The following PEX5 variants were observed in gnomAD, a reference collection of about 807,000 sequenced individuals.
PEX5 encodes PTS1 receptor.
A neutral mutation model predicts 82.9 loss-of-function variants in PEX5; 52 were observed. That is an observed-to-expected ratio of 0.63 (90% CI 0.50 to 0.79). PEX5 has a LOEUF of 0.79. Ranked by LOEUF, PEX5 falls within the 30% of genes least tolerant of loss-of-function variation. PEX5 has a pLI of 0.00. For synonymous variants in PEX5, 300 were observed against 318.8 expected, an observed-to-expected ratio of 0.94 and a Z score of 0.63; for missense variants, 719 against 815.2, an observed-to-expected ratio of 0.88 and a Z score of 1.44.
chr12:7,193,133 T>C (rs773033328), intron 5 of PEX5, among the ~76,000 whole-genome samples: 4 of 152,074 alleles, frequency 2.6e-5, no homozygotes, highest in Non-Finnish European at 5.9e-5. Context: ...CCCCATTTTA[T>C]AGATGAGGAG....
At chr12:7,202,414 A>G in intron 8 of PEX5, 63 bp downstream of exon 8, 1 of 1,586,720 alleles carries the variant, frequency 6.3e-7, no homozygotes, top group East Asian at 2.2e-5. Flanking sequence ...CCATGGGTTC[A>G]GTGGTCAGTG....
chr12:7,197,242 T>TTATATATGTCATATGTAATAATTA (rs778579687), intron 5 of PEX5, among the ~76,000 whole-genome samples: 2 of 10,668 alleles, frequency 1.9e-4, no homozygotes, highest in African/African-American at 4.8e-4. Flanking sequence ...TATGTAATAA[T>TTATATATGTCATATGTAATAATTA]TATATGTCAT....
chr12:7,212,410 A>T (rs139941752), downstream of PEX5, among the ~76,000 whole-genome samples: 23 of 146,980 alleles, frequency 1.6e-4, no homozygotes, highest in East Asian at 4.9e-3. Context: ...AGGGAGGAGC[A>T]CCATACCTGG....
rs1942700746 is a variant in PEX5 at position 7,197,221 on chromosome 12, T to TATATATGTCATATATAATGTAATA, written c.449-1777_449-1776insATAATGTAATAATATATGTCATAT. 3.6e-5 allele frequency among the ~76,000 whole-genome samples: 3 copies of TATATATGTCATATATAATGTAATA among 83,802 alleles called. 1 individual carries two copies. The highest frequency in any genetic ancestry group is 6.5e-5 in the Non-Finnish European group (3 of 46,378). The allele number at this position is 83,802 out of a possible 152,430, so 55.0% of individuals were successfully genotyped here. A position where few individuals can be genotyped will look rare whatever the true frequency, so the allele number is the denominator to read the frequency against. On this transcript the variant is annotated intron_variant, in intron 5 of 15. Transcript: ENST00000675855. Reference sequence around the variant, plus strand: ...TTATATATGTCATATATAATGTAATTATATATGTCATATGTAATAATTATA... The same window carrying TATATATGTCATATATAATGTAATA: ...TTATATATGTCATATATAATGTAATTATATATGTCATATATAATGTAATAATATATGTCATATGTAATAATTATA...
Position 7,189,698 on chromosome 12 carries a change from C to T in PEX5, c.-69C>T, listed in dbSNP as rs886049821. The T allele has an allele frequency of 2.0e-4, 75 of 366,728 alleles. No individual in the cohort carries two copies. The highest frequency in any genetic ancestry group is 3.0e-4 in the Non-Finnish European group (62 of 208,654). The allele number at this position is 366,728 out of a possible 1,614,324, so 22.7% of individuals were successfully genotyped here. On this transcript the variant is annotated 5_prime_UTR_variant, in exon 1 of 16. Coordinates refer to ENST00000675855, the MANE Select transcript of PEX5 (RefSeq NM_001351132.2). ...GGCTCCCCGCCCCCTCTTCTCCCCT[C>T]CCCCAAGCCAGCACCTGGTGCCCCG...
intron 5 of PEX5, among the ~76,000 whole-genome samples, chr12:7,194,159 G>A (rs1255607802): frequency 6.6e-6 from 1 of 152,090 alleles, no homozygotes; most frequent in Admixed American, 6.6e-5. Context: ...TGGCTTTATA[G>A]ATAAGTAGAT....
intron 1 of PEX5, chr12:7,190,143 C>T: frequency 6.7e-7 from 1 of 1,485,836 alleles, no homozygotes; most frequent in South Asian, 1.3e-5. Flanking sequence ...TCTGCAGAGG[C>T]GCAGGCTGGA....
At chr12:7,197,543 A>ATATAATGTAATAAT (rs1490440903) in intron 5 of PEX5, among the ~76,000 whole-genome samples, 26 of 116,156 alleles carry the variant, frequency 2.2e-4, no homozygotes, top group African/African-American at 7.0e-4. Context: ...ATGTAATTAT[A>ATATAATGTAATAAT]TATGTTATAT....
intron 2 of PEX5, 153 bp from the exon 3 acceptor site, chr12:7,190,735 G>T: frequency 7.5e-7 from 1 of 1,330,210 alleles, no homozygotes; most frequent in South Asian, 1.2e-5. Context: ...ACCACTTACT[G>T]AGCGTTTATA....
At chr12:7,193,172 G>C (rs900370130) in intron 5 of PEX5, among the ~76,000 whole-genome samples, 1 of 151,542 alleles carries the variant, frequency 6.6e-6, no homozygotes. Context: ...TAAATACTTT[G>C]TGCAAAATCA....
At position 7,191,239 on chromosome 12, in the gene PEX5, TC is replaced by T; in HGVS notation, c.199del (p.Leu67CysfsTer65). The T allele has an allele frequency of 6.2e-7, 1 of 1,614,152 alleles. No individual in the cohort carries two copies. Among genetic ancestry groups the T allele is most frequent in the Non-Finnish European group, 8.5e-7 (1 of 1,180,020 alleles). On this transcript the variant is annotated frameshift_variant, in exon 4 of 16. Transcript: ENST00000675855. LOFTEE classifies it high-confidence loss of function. ...CCCTTCTGGCAGTTGGTGGCTGAAT[TC>T]CTGCAGGACCAGAATGCACCCCTTG... ...VASEDELVAEFLQDQNAPLVS... is the reference protein window; with the variant it reads ...VASEDELVAEXLQDQNAPLVS...
Position 7,207,756 on chromosome 12 carries a change from T to C in PEX5, c.1064T>C (p.Val355Ala). ...RLQEGDLPNA[V>A]LLFEAAVQQD... ...CAGGAGGGGGACCTGCCAAATGCTG[T>C]GCTGCTTTTTGAGGCAGCTGTGCAG... Residue 355 changes from valine (V) to alanine (A), a missense_variant, in exon 11 of 16, where the codon GTG becomes GCG. Val to Ala is a moderately conservative substitution (Grantham distance 64, BLOSUM62 0). Coordinates refer to ENST00000675855, the MANE Select transcript of PEX5 (RefSeq NM_001351132.2). 1 of 1,614,148 alleles carries C rather than the reference T, an allele frequency of 6.2e-7. No individual in the cohort carries two copies. Among genetic ancestry groups the C allele is most frequent in the Non-Finnish European group, 8.5e-7 (1 of 1,180,006 alleles).
At position 7,208,096 on chromosome 12, in the gene PEX5, G is replaced by A. The variant is rs201496018; in HGVS notation, c.1181+16G>A. On this transcript the variant is annotated intron_variant, in intron 12 of 15. Coordinates refer to ENST00000675855, the MANE Select transcript of PEX5 (RefSeq NM_001351132.2). ...CATTGCGGAGGTGAGTACACTGAAA[G>A]GTGTGGGTGAGGTGCTTCCAAGGCT... 1.9e-6 allele frequency: 3 copies of A among 1,592,020 alleles called. No homozygotes were observed. In the South Asian group the frequency reaches 3.3e-5, roughly 18 times the overall value.
Position 7,191,445 on chromosome 12 carries a change from G to A in PEX5, c.316+87G>A, listed in dbSNP as rs1008119810. On this transcript the variant is annotated intron_variant, in intron 4 of 15. Coordinates refer to ENST00000675855, the MANE Select transcript of PEX5 (RefSeq NM_001351132.2). Reference sequence around the variant, plus strand: ...GGTTCCATTGGATGCTGCTGGCATTGGGGACCTGAGATGCAGAAGGAGACA... The same window carrying A: ...GGTTCCATTGGATGCTGCTGGCATTAGGGACCTGAGATGCAGAAGGAGACA... 25 of 1,601,368 alleles carry A rather than the reference G, an allele frequency of 1.6e-5. No homozygotes were observed. The African/African-American group carries it at 3.2e-4, about 21-fold the overall frequency.
chr12:7,195,073 C>A (rs1565679479), intron 5 of PEX5, among the ~76,000 whole-genome samples: 1 of 152,124 alleles, frequency 6.6e-6, no homozygotes, highest in Non-Finnish European at 1.5e-5. Flanking sequence ...GTAGACTGAC[C>A]CTACAACTTG....
chr12:7,210,462 A>G lies in PEX5; in HGVS notation c.*239A>G. 1.7e-6 allele frequency: 1 copy of G among 598,350 alleles called. No individual in the cohort carries two copies. The highest frequency in any genetic ancestry group is 3.0e-6 in the Non-Finnish European group (1 of 332,356). 37.1% of individuals were successfully genotyped at this position (598,350 alleles called of 1,614,324 possible). ...TAATTCAAGGGCTGTACATCCAGCTACAGATCTCTCTGCTCATCATGCCCT... is the reference window on the plus strand; with the variant it reads ...TAATTCAAGGGCTGTACATCCAGCTGCAGATCTCTCTGCTCATCATGCCCT... On this transcript the variant is annotated 3_prime_UTR_variant, in exon 16 of 16. Coordinates refer to ENST00000675855, the MANE Select transcript of PEX5 (RefSeq NM_001351132.2).
chr12:7,192,615 C>A (rs1055742645), intron 5 of PEX5, among the ~76,000 whole-genome samples: 4 of 152,110 alleles, frequency 2.6e-5, no homozygotes, highest in Non-Finnish European at 4.4e-5. Flanking sequence ...TTTAAGATAT[C>A]AAGAATAACA....
intron 6 of PEX5, among the ~76,000 whole-genome samples, chr12:7,199,619 C>T (rs1267727880): frequency 6.6e-6 from 1 of 151,286 alleles, no homozygotes; most frequent in African/African-American, 2.4e-5. Context: ...TACACAGACA[C>T]AGCAACCATC....
chr12:7,206,050 G>A (rs10161405), intron 10 of PEX5, among the ~76,000 whole-genome samples: 42,384 of 152,134 alleles, frequency 0.28, 6,240 homozygotes, highest in South Asian at 0.37. Context: ...CATTATAGAT[G>A]ACAGTAATCT....
Sources: gnomAD v4.1 joint callset for allele counts (sites outside exome capture counted in the v4.1 genomes callset) on GRCh38, gnomAD v4.1.1 for gene constraint, MANE v1.5 for transcripts, NCBI Gene and HGNC (gene_info 2026-07-23, HGNC 2026-07-21) for gene names.